MGMT: variants seen among roughly 807,000 people sequenced by gnomAD.
The protein encoded by MGMT is O-6-methylguanine-DNA methyltransferase.
In MGMT, 14 loss-of-function variants were observed where a neutral mutation model predicts 15.9. The ratio of observed to expected loss-of-function variants is 0.88; its 90% CI spans 0.58 to 1.37. MGMT has a LOEUF of 1.37. Ranked by LOEUF, MGMT falls within the 40% of genes most tolerant of loss-of-function variation. MGMT has a pLI of 0.00. For synonymous variants in MGMT, 130 were observed against 118.2 expected (o/e 1.10, Z -0.65); for missense variants, 282 against 268.1 (o/e 1.05, Z -0.36).
intron 2 of MGMT, among the ~76,000 whole-genome samples, chr10:129,674,045 T>C (rs1376373851): frequency 3.3e-5 from 5 of 152,316 alleles, no homozygotes; most frequent in Admixed American, 1.3e-4. Context: ...GGCAGCACCC[T>C]CATTCCTCTG....
chr10:129,684,890 C>T (rs1210967854), intron 2 of MGMT, among the ~76,000 whole-genome samples: 3 of 152,214 alleles, frequency 2.0e-5, no homozygotes, highest in Non-Finnish European at 4.4e-5. Flanking sequence ...GAGAGACATC[C>T]GGGAGATCCA....
intron 1 of MGMT, among the ~76,000 whole-genome samples, chr10:129,529,188 C>T (rs546679157): frequency 6.8e-6 from 1 of 146,146 alleles, no homozygotes; most frequent in South Asian, 2.2e-4. Flanking sequence ...GGAGCGGGGG[C>T]GTGGGTGCGA....
chr10:129,633,876 C>T lies in MGMT; in HGVS notation c.126-74019C>T, dbSNP rs563819892. On this transcript the variant is annotated intron_variant, in intron 2 of 4. Transcript: ENST00000651593. ...TTAGTCTCTGTCTCAGTTATTCTGC[C>T]GTTTTGTGACAGCAATCATAGACAA... Among the ~76,000 whole-genome samples the T allele has an allele frequency of 3.3e-5, 5 of 152,254 alleles. No individual in the cohort carries two copies. The South Asian group carries it at 6.2e-4, about 19-fold the overall frequency.
intron 1 of MGMT, among the ~76,000 whole-genome samples, chr10:129,531,790 G>A (rs1298045432): frequency 6.8e-6 from 1 of 147,146 alleles, no homozygotes; most frequent in Admixed American, 6.7e-5. Flanking sequence ...GGGGGTGGGG[G>A]GGGGTGGGGG....
chr10:129,574,355 C>T (rs560079956), intron 2 of MGMT, among the ~76,000 whole-genome samples: 19 of 152,294 alleles, frequency 1.2e-4, no homozygotes, highest in Admixed American at 8.5e-4. Flanking sequence ...TGTTCTTTAC[C>T]TTTCGTTTTT....
chr10:129,539,486 G>T (rs1472029175), intron 2 of MGMT, among the ~76,000 whole-genome samples: 1 of 152,090 alleles, frequency 6.6e-6, no homozygotes, highest in Non-Finnish European at 1.5e-5. Flanking sequence ...TGGTTAGGTA[G>T]CTTTGTGATA....
chr10:129,622,646 GCTTT>G (rs1282758510), intron 2 of MGMT, among the ~76,000 whole-genome samples: 3 of 152,148 alleles, frequency 2.0e-5, no homozygotes, highest in Admixed American at 6.5e-5. Flanking sequence ...ACATTACATG[GCTTT>G]CTTTCTTTGT....
intron 2 of MGMT, among the ~76,000 whole-genome samples, chr10:129,545,064 G>A (rs1045860990): frequency 6.6e-6 from 1 of 152,166 alleles, no homozygotes; most frequent in East Asian, 1.9e-4. Context: ...CTTCGTCCTT[G>A]GGACCCCTCT....
intron 2 of MGMT, among the ~76,000 whole-genome samples, chr10:129,560,811 T>G (rs1176988558): frequency 6.6e-6 from 1 of 151,854 alleles, no homozygotes; most frequent in Non-Finnish European, 1.5e-5. Flanking sequence ...GAAATTCTGT[T>G]TCTGGATTTT....
At chr10:129,730,378 T>C (rs1211533712) in intron 3 of MGMT, among the ~76,000 whole-genome samples, 1 of 152,196 alleles carries the variant, frequency 6.6e-6, no homozygotes, top group Non-Finnish European at 1.5e-5. Flanking sequence ...TTTTCTACTT[T>C]CATGTTGTTC....
intron 2 of MGMT, among the ~76,000 whole-genome samples, chr10:129,623,613 C>T (rs1419157944): frequency 6.6e-6 from 1 of 152,142 alleles, no homozygotes; most frequent in Non-Finnish European, 1.5e-5. Flanking sequence ...GCAATCATAG[C>T]TTGCTGTAGC....
At chr10:129,535,971 T>C (rs145921653) in intron 1 of MGMT, among the ~76,000 whole-genome samples, 1 of 152,332 alleles carries the variant, frequency 6.6e-6, no homozygotes, top group East Asian at 1.9e-4. Context: ...CGGTGTTGCG[T>C]TGGTTAAAGA....
In MGMT at chr10:129,607,401, A is replaced by C. The variant is rs527966163; in HGVS notation, c.125+71024A>C. Among the ~76,000 whole-genome samples, 26 of 152,312 alleles carry C rather than the reference A, an allele frequency of 1.7e-4. 1 individual carries two copies. Among genetic ancestry groups the C allele is most frequent in the African/African-American group, 6.3e-4 (26 of 41,562 alleles). On this transcript the variant is annotated intron_variant, in intron 2 of 4. Coordinates refer to ENST00000651593, the MANE Select transcript of MGMT (RefSeq NM_002412.5). ...TATGTTCCTGATCTTAAACATTTTT[A>C]ATAGCAGTCTAGGCCAATTGACTCT... is the stretch of plus-strand genomic sequence containing the variant.
At chr10:129,653,506 C>T (rs555032899) in intron 2 of MGMT, among the ~76,000 whole-genome samples, 2 of 152,334 alleles carry the variant, frequency 1.3e-5, no homozygotes, top group Admixed American at 6.5e-5. Context: ...GCCCCCAGGC[C>T]GAGGTGCTGC....
chr10:129,624,551 G>A (rs1484563677), intron 2 of MGMT, among the ~76,000 whole-genome samples: 1 of 152,166 alleles, frequency 6.6e-6, no homozygotes, highest in East Asian at 1.9e-4. Flanking sequence ...AAACAAAACA[G>A]AAATGGAGGG....
At chr10:129,672,915 C>T (rs10829615) in intron 2 of MGMT, among the ~76,000 whole-genome samples, 27,352 of 152,016 alleles carry the variant, frequency 0.18, 2,721 homozygotes, top group African/African-American at 0.23. Flanking sequence ...ACGTATTGCC[C>T]GGGAGGATGT....
At chr10:129,646,393 C>G (rs529296548) in intron 2 of MGMT, among the ~76,000 whole-genome samples, 1 of 152,146 alleles carries the variant, frequency 6.6e-6, no homozygotes, top group South Asian at 2.1e-4. Flanking sequence ...TTTTAGGGAG[C>G]CTACATGGCA....
intron 2 of MGMT, among the ~76,000 whole-genome samples, chr10:129,545,447 T>A (rs146931584): frequency 2.6e-5 from 4 of 152,252 alleles, no homozygotes; most frequent in Non-Finnish European, 4.4e-5. Flanking sequence ...ACTCGCCTAC[T>A]GTACACATGA....
intron 2 of MGMT, among the ~76,000 whole-genome samples, chr10:129,557,236 G>A (rs1384158726): frequency 6.6e-6 from 1 of 152,184 alleles, no homozygotes; most frequent in Non-Finnish European, 1.5e-5. Context: ...GATGTAAAAT[G>A]TACTCGCCCT....
Sources: allele counts gnomAD v4.1 joint callset (sites outside exome capture counted in the v4.1 genomes callset), GRCh38; gene constraint gnomAD v4.1.1; transcripts MANE v1.5; gene names NCBI Gene and HGNC (gene_info 2026-07-23, HGNC 2026-07-21).